PHKB: variants seen among roughly 807,000 people sequenced by gnomAD.
The protein encoded by PHKB is phosphorylase b kinase regulatory subunit beta.
In PHKB, 122 loss-of-function variants were observed where a neutral mutation model predicts 152.1. The ratio of observed to expected loss-of-function variants is 0.80; its 90% CI spans 0.69 to 0.93. PHKB has a LOEUF of 0.93. Ranked by LOEUF, PHKB falls within the 40% of genes least tolerant of loss-of-function variation. The pLI is 0.00. For synonymous variants in PHKB, 436 were observed against 464.9 expected (o/e 0.94, Z 0.80); for missense variants, 1,304 against 1,328.4 (o/e 0.98, Z 0.29).
chr16:47,581,710 G>A (rs1171532608), intron 8 of PHKB, among the ~76,000 whole-genome samples: 5 of 151,994 alleles, frequency 3.3e-5, no homozygotes, highest in East Asian at 1.9e-4. Flanking sequence ...ACAAAGTCTC[G>A]CTCTTGTCTC....
chr16:47,560,379 A>G (rs1444025263), intron 7 of PHKB, among the ~76,000 whole-genome samples: 4 of 152,226 alleles, frequency 2.6e-5, no homozygotes, highest in Non-Finnish European at 5.9e-5. Context: ...TATGTAATCT[A>G]TGTAAAAAAT....
chr16:47,632,756 T>C (rs1567334944), intron 14 of PHKB, among the ~76,000 whole-genome samples: 2 of 152,344 alleles, frequency 1.3e-5, no homozygotes, highest in East Asian at 3.9e-4. Flanking sequence ...CACATTCACA[T>C]TAAGTTTTCT....
intron 25 of PHKB, among the ~76,000 whole-genome samples, chr16:47,666,307 A>G (rs889591489): frequency 6.6e-6 from 1 of 152,220 alleles, no homozygotes; most frequent in Non-Finnish European, 1.5e-5. Context: ...AAATGGACCA[A>G]TAACTACTGA....
At chr16:47,464,336 C>A (rs774017916) in intron 1 of PHKB, among the ~76,000 whole-genome samples, 1 of 152,172 alleles carries the variant, frequency 6.6e-6, no homozygotes, top group Non-Finnish European at 1.5e-5. Context: ...GTAACTTCTA[C>A]AAATTAGGAA....
chr16:47,558,175 C>A lies in PHKB; in HGVS notation c.710+10627C>A, dbSNP rs547360428. On this transcript the variant is annotated intron_variant, in intron 7 of 30. Transcript: ENST00000323584. ...TGCATGTTCTCACTCATAGGTGGGA[C>A]TTGAACAATGAGAACACATGGACAC... is the stretch of plus-strand genomic sequence containing the variant. Among the ~76,000 whole-genome samples the A allele has an allele frequency of 4.7e-3, 675 of 142,824 alleles. 4 individuals carry two copies. Among genetic ancestry groups the A allele is most frequent in the Non-Finnish European group, 8.0e-3 (537 of 66,756 alleles). The allele number at this position is 142,824 out of a possible 152,430, so 93.7% of individuals were successfully genotyped here.
At chr16:47,513,954 T>C (rs1252079699) in intron 5 of PHKB, among the ~76,000 whole-genome samples, 2 of 152,192 alleles carry the variant, frequency 1.3e-5, no homozygotes, top group African/African-American at 4.8e-5. Flanking sequence ...TTTTAGAACA[T>C]TGTCATCACC....
chr16:47,693,042 G>A (rs1567359462), intron 27 of PHKB, among the ~76,000 whole-genome samples: 1 of 152,118 alleles, frequency 6.6e-6, no homozygotes, highest in Non-Finnish European at 1.5e-5. Flanking sequence ...ACAACATCAA[G>A]TTATTATGAA....
Position 47,663,735 on chromosome 16 carries a change from G to T in PHKB, c.2336+1G>T. 6.5e-7 allele frequency: 1 copy of T among 1,549,026 alleles called. No homozygotes were observed. The highest frequency in any genetic ancestry group is 1.1e-5 in the South Asian group (1 of 89,828). ...GAAGAGCTGGCAGCCAAAAACTTTG[G>T]TTTGTATTAGTGTCCTTGTTGTTAT... On this transcript the variant is annotated splice_donor_variant, in intron 24 of 30. Transcript: ENST00000323584. LOFTEE classifies it high-confidence loss of function.
intron 6 of PHKB, among the ~76,000 whole-genome samples, chr16:47,543,949 A>G (rs1375363227): frequency 6.6e-6 from 1 of 151,952 alleles, no homozygotes; most frequent in Non-Finnish European, 1.5e-5. Context: ...TTTTATTACA[A>G]TCTATTCTAT....
intron 7 of PHKB, chr16:47,566,402 T>C: frequency 6.3e-7 from 1 of 1,597,266 alleles, no homozygotes; most frequent in Non-Finnish European, 8.6e-7. Flanking sequence ...CCACTCAAAT[T>C]CTCCTGTTAC....
chr16:47,616,548 A>T (rs546259304), intron 14 of PHKB, among the ~76,000 whole-genome samples: 1 of 146,046 alleles, frequency 6.8e-6, no homozygotes, highest in Non-Finnish European at 1.5e-5. Flanking sequence ...ATATAAATAT[A>T]AAACATATGT....
At chr16:47,571,743 A>G (rs1971662455) in intron 7 of PHKB, among the ~76,000 whole-genome samples, 1 of 152,184 alleles carries the variant, frequency 6.6e-6, no homozygotes, top group Non-Finnish European at 1.5e-5. Context: ...CTTCACAAGT[A>G]CCGGGGCTCC....
At chr16:47,544,247 A>G (rs368606844) in intron 6 of PHKB, among the ~76,000 whole-genome samples, 1 of 152,174 alleles carries the variant, frequency 6.6e-6, no homozygotes, top group Non-Finnish European at 1.5e-5. Flanking sequence ...TTCCCTCTAC[A>G]TACTGCTTTA....
intron 18 of PHKB, among the ~76,000 whole-genome samples, 198 bp downstream of exon 18, chr16:47,649,402 A>G (rs549862878): frequency 2.0e-5 from 3 of 152,322 alleles, no homozygotes; most frequent in East Asian, 3.9e-4. Flanking sequence ...CTCGTCTTAT[A>G]TACAGTTGTA....
At chr16:47,509,684 G>A (rs1317219017) in intron 4 of PHKB, among the ~76,000 whole-genome samples, 1 of 152,112 alleles carries the variant, frequency 6.6e-6, no homozygotes, top group African/African-American at 2.4e-5. Flanking sequence ...TGCCTACCAT[G>A]TTGGACAGCA....
chr16:47,539,202 C>T (rs1971006372), intron 6 of PHKB, among the ~76,000 whole-genome samples: 1 of 151,970 alleles, frequency 6.6e-6, no homozygotes. Context: ...GACTCCTGGC[C>T]CTTTGGTTGG....
intron 5 of PHKB, among the ~76,000 whole-genome samples, chr16:47,512,374 G>T (rs961291617): frequency 5.3e-5 from 8 of 152,132 alleles, no homozygotes; most frequent in African/African-American, 1.9e-4. Flanking sequence ...TTATTTATGT[G>T]CAAAAGAAGG....
intron 16 of PHKB, among the ~76,000 whole-genome samples, chr16:47,645,760 C>A (rs974998433): frequency 6.0e-5 from 9 of 149,654 alleles, no homozygotes; most frequent in Non-Finnish European, 1.3e-4. Flanking sequence ...ATTTATGCAG[C>A]CAAAAAACAC....
At chr16:47,656,794 C>T (rs550231344) in intron 20 of PHKB, among the ~76,000 whole-genome samples, 71 of 152,176 alleles carry the variant, frequency 4.7e-4, no homozygotes, top group Middle Eastern at 3.4e-3. Context: ...TTCCTTATCC[C>T]CTGATCCACA....
Sources: gnomAD v4.1 joint callset for allele counts (sites outside exome capture counted in the v4.1 genomes callset) on GRCh38, gnomAD v4.1.1 for gene constraint, MANE v1.5 for transcripts, NCBI Gene and HGNC (gene_info 2026-07-23, HGNC 2026-07-21) for gene names.